The following HLCS variants were observed in gnomAD, a reference collection of about 807,000 sequenced individuals.
The protein encoded by HLCS is holocarboxylase synthetase.
A neutral mutation model predicts 75.0 loss-of-function variants in HLCS; 53 were observed. That is an observed-to-expected ratio of 0.71 (90% CI 0.57 to 0.89). The LOEUF (loss-of-function observed/expected upper bound fraction) is 0.89, where lower values mean the gene tolerates loss of function less well. Ranked by LOEUF, HLCS falls within the 40% of genes least tolerant of loss-of-function variation. The pLI is 0.00. For missense variants in HLCS, 966 were observed against 1,074.0 expected (o/e 0.90, Z 1.41); for synonymous variants, 431 against 428.6 (o/e 1.01, Z -0.07).
At chr21:36,937,418 C>T in intron 3 of HLCS, 26 bp from the exon 4 acceptor site, 1 of 1,576,286 alleles carries the variant, frequency 6.3e-7, no homozygotes. Context: ...GAGAGAGAGA[C>T]AGAAAATTAA....
chr21:36,939,106 G>C, intron 2 of HLCS, 112 bp from the exon 3 acceptor site: 1 of 932,494 alleles, frequency 1.1e-6, no homozygotes, highest in Non-Finnish European at 1.6e-6. Flanking sequence ...CTAAATTACA[G>C]TCATTAATAA....
intron 4 of HLCS, 71 bp from the exon 5 acceptor site, chr21:36,930,504 CTTTT>C: frequency 2.3e-6 from 3 of 1,303,546 alleles, no homozygotes; most frequent in Non-Finnish European, 1.1e-6. Flanking sequence ...TTTCTTTTTT[CTTTT>C]TCTTTTTTTT....
At chr21:36,784,444 T>G (rs748660536) in intron 6 of HLCS, among the ~76,000 whole-genome samples, 1 of 151,880 alleles carries the variant, frequency 6.6e-6, no homozygotes, top group East Asian at 1.9e-4. Flanking sequence ...GCCACCTAAG[T>G]AGCTGGGACT....
intron 6 of HLCS, chr21:36,851,812 C>A (rs1333208343): frequency 6.6e-6 from 1 of 151,950 alleles, no homozygotes; most frequent in Non-Finnish European, 1.5e-5. Context: ...TACTGTGTAC[C>A]CACAAAAATA....
At chr21:36,875,656 A>T (rs1163167866) in intron 6 of HLCS, among the ~76,000 whole-genome samples, 1 of 152,228 alleles carries the variant, frequency 6.6e-6, no homozygotes, top group Non-Finnish European at 1.5e-5. Context: ...AAGTCTCCTG[A>T]GAGCTGTTCT....
intron 6 of HLCS, among the ~76,000 whole-genome samples, chr21:36,781,616 G>A (rs924703945): frequency 1.3e-5 from 2 of 152,038 alleles, no homozygotes; most frequent in Non-Finnish European, 2.9e-5. Flanking sequence ...TATTGTTTGA[G>A]TTAGAGAATC....
chr21:36,786,687 G>T (rs1258358471), intron 6 of HLCS, among the ~76,000 whole-genome samples: 1 of 152,184 alleles, frequency 6.6e-6, no homozygotes, highest in Non-Finnish European at 1.5e-5. Flanking sequence ...AGAGGGAAAG[G>T]CATCTTGAAC....
rs527754600 is a variant in HLCS, at chr21:36,780,835, C to T, written c.1893-13550G>A. Among the ~76,000 whole-genome samples, 237 of 152,090 alleles carry T rather than the reference C, an allele frequency of 1.6e-3. 2 individuals carry two copies. The highest frequency in any genetic ancestry group is 5.2e-3 in the African/African-American group (217 of 41,452). On this transcript the variant is annotated intron_variant, in intron 6 of 10. Transcript: ENST00000674895. The stretch of plus-strand genomic sequence containing the variant: ...ACAGTGGCGTGTGTCTGTGCATGTG[C>T]GTGTGTATACACAGTCAATGACCAG...
chr21:36,767,930 G>A (rs938329817), intron 6 of HLCS, among the ~76,000 whole-genome samples: 2 of 152,050 alleles, frequency 1.3e-5, no homozygotes, highest in Non-Finnish European at 2.9e-5. Context: ...CTTTCCTTTG[G>A]GGGATAGGTA....
At chr21:36,886,993 G>A (rs2064496703) in intron 6 of HLCS, among the ~76,000 whole-genome samples, 1 of 152,138 alleles carries the variant, frequency 6.6e-6, no homozygotes, top group Non-Finnish European at 1.5e-5. Flanking sequence ...AGCTGGGTGT[G>A]GTGGCACATG....
At chr21:36,834,802 C>A (rs1601445729) in intron 6 of HLCS, among the ~76,000 whole-genome samples, 3 of 152,366 alleles carry the variant, frequency 2.0e-5, no homozygotes, top group Admixed American at 2.0e-4. Flanking sequence ...GATCCGCCTG[C>A]CTCGGCCTCC....
At chr21:36,928,174 C>T (rs919085857) in intron 5 of HLCS, among the ~76,000 whole-genome samples, 1 of 152,182 alleles carries the variant, frequency 6.6e-6, no homozygotes, top group Non-Finnish European at 1.5e-5. Context: ...AATTCATTTG[C>T]ACTATAATCC....
At chr21:36,960,676 C>T (rs951882384) in intron 2 of HLCS, among the ~76,000 whole-genome samples, 4 of 152,224 alleles carry the variant, frequency 2.6e-5, no homozygotes, top group Admixed American at 6.5e-5. Context: ...AGATAATCTT[C>T]ATGAAATGGG....
At chr21:36,789,879 T>C (rs1165550882) in intron 6 of HLCS, among the ~76,000 whole-genome samples, 4 of 152,238 alleles carry the variant, frequency 2.6e-5, no homozygotes, top group African/African-American at 9.6e-5. Context: ...ACAGAGTACT[T>C]AACTATACAT....
intron 6 of HLCS, among the ~76,000 whole-genome samples, chr21:36,774,493 C>T (rs868488978): frequency 2.0e-4 from 31 of 152,266 alleles, no homozygotes; most frequent in African/African-American, 7.2e-4. Flanking sequence ...CCTGTCATGT[C>T]GATCCTAGAA....
intron 5 of HLCS, among the ~76,000 whole-genome samples, chr21:36,907,278 C>T (rs2065500756): frequency 6.6e-6 from 1 of 151,782 alleles, no homozygotes; most frequent in Admixed American, 6.6e-5. Flanking sequence ...TCAGATGGAA[C>T]AAAATAAGCA....
intron 6 of HLCS, among the ~76,000 whole-genome samples, chr21:36,826,225 T>C (rs1219240296): frequency 6.6e-6 from 1 of 152,102 alleles, no homozygotes; most frequent in Non-Finnish European, 1.5e-5. Flanking sequence ...GAAATACAGG[T>C]CCCCAGTCCC....
At chr21:36,780,046 G>A (rs2060479631) in intron 6 of HLCS, among the ~76,000 whole-genome samples, 2 of 151,880 alleles carry the variant, frequency 1.3e-5, no homozygotes, top group African/African-American at 2.4e-5. Context: ...TTATTTCCTT[G>A]TCTTCCTTAC....
At chr21:36,868,274 G>GGAAGTAAAGAAAGAAAGAAA (rs886275509) in intron 6 of HLCS, among the ~76,000 whole-genome samples, 1 of 135,358 alleles carries the variant, frequency 7.4e-6, no homozygotes, top group Non-Finnish European at 1.5e-5. Flanking sequence ...AAGGAAGGAA[G>GGAAGTAAAGAAAGAAAGAAA]GAAAGAAAGA....
Sources: allele counts gnomAD v4.1 joint callset (sites outside exome capture counted in the v4.1 genomes callset), GRCh38; gene constraint gnomAD v4.1.1; transcripts MANE v1.5; gene names NCBI Gene and HGNC (gene_info 2026-07-23, HGNC 2026-07-21).